The following SLC9A1 variants were observed in gnomAD, a reference collection of about 807,000 sequenced individuals.
SLC9A1 encodes solute carrier family 9 member A1.
In SLC9A1, 22 loss-of-function variants were observed where a neutral mutation model predicts 67.9. That is an observed-to-expected ratio of 0.32 (90% confidence interval 0.23 to 0.46). The LOEUF is 0.46. Ranked by LOEUF, SLC9A1 falls within the 20% of genes least tolerant of loss-of-function variation. The pLI, the probability that SLC9A1 is intolerant of heterozygous loss-of-function variation, is 1.00. For missense variants in SLC9A1, 686 were observed against 1,094.8 expected (o/e 0.63, Z 5.27); for synonymous variants, 421 against 471.8 (o/e 0.89, Z 1.40).
chr1:27,105,546 C>T, intron 5 of SLC9A1: 2 of 615,892 alleles, frequency 3.2e-6, no homozygotes, highest in Non-Finnish European at 5.9e-6. Flanking sequence ...GATCCACCCC[C>T]TCAGCCTCCC....
At chr1:27,133,787 C>A (rs2083401546) in intron 1 of SLC9A1, among the ~76,000 whole-genome samples, 1 of 146,572 alleles carries the variant, frequency 6.8e-6, no homozygotes, top group South Asian at 2.1e-4. Context: ...TTTTTTGGGA[C>A]AGAATCTCAG....
At position 27,101,710 on chromosome 1, in the gene SLC9A1, G is replaced by C. The variant is rs767430477; in HGVS notation, c.2037+15C>G. 16 of 1,578,082 alleles carry C rather than the reference G, an allele frequency of 1.0e-5. No individual in the cohort carries two copies. The South Asian group carries it at 1.8e-4, about 18-fold the overall frequency. On this transcript the variant is annotated intron_variant, in intron 10 of 11. Coordinates refer to ENST00000263980, the MANE Select transcript of SLC9A1 (RefSeq NM_003047.5). This position sits in a 1 kb window ranked among gnomAD's most constrained non-coding sequence, Gnocchi z 4.9. ...TGGGGTGGGATACAGATTCCCAGAG[G>C]AAGGCAGAGGCTACCTTCTGCTCCA... is the stretch of plus-strand genomic sequence containing the variant.
chr1:27,125,237 CTTTTTTTTT>C (rs71010327), intron 1 of SLC9A1, among the ~76,000 whole-genome samples: 17 of 86,870 alleles, frequency 2.0e-4, no homozygotes, highest in East Asian at 1.2e-3. Flanking sequence ...CCTTTTCTTT[CTTTTTTTTT>C]TTTTTTTTTT....
chr1:27,131,947 A>AAAATATATATAT, intron 1 of SLC9A1, among the ~76,000 whole-genome samples: 104 of 52,058 alleles, frequency 2.0e-3, no homozygotes, highest in East Asian at 5.6e-3. Flanking sequence ...AGAAAAAAAA[A>AAAATATATATAT]ATATATATAT....
intron 1 of SLC9A1, among the ~76,000 whole-genome samples, chr1:27,151,642 G>C (rs1376952459): frequency 6.6e-6 from 1 of 152,208 alleles, no homozygotes; most frequent in East Asian, 1.9e-4. Flanking sequence ...GGGATTACAG[G>C]CGTGAGCCAC....
chr1:27,134,098 G>A (rs1047188637), intron 1 of SLC9A1, among the ~76,000 whole-genome samples: 1 of 152,108 alleles, frequency 6.6e-6, no homozygotes, highest in African/African-American at 2.4e-5. Flanking sequence ...CCTTTCCACT[G>A]TAGCAGGAAG....
chr1:27,101,379 G>T lies in SLC9A1; in HGVS notation c.2038-104C>A. 1.2e-6 allele frequency: 1 copy of T among 866,654 alleles called. No homozygotes were observed. The highest frequency in any genetic ancestry group is 1.9e-6 in the Non-Finnish European group (1 of 539,440). 53.7% of individuals were successfully genotyped at this position (866,654 alleles called of 1,614,324 possible). A position where few individuals can be genotyped will look rare whatever the true frequency, so the allele number is the denominator to read the frequency against. On this transcript the variant is annotated intron_variant, in intron 10 of 11. Transcript: ENST00000263980. This position sits in a 1 kb window ranked among gnomAD's most constrained non-coding sequence, Gnocchi z 4.9. ...ACCCCACCTTTCGTATATGCAGGGC[G>T]CTTGCTCCCCCTCCCTTGTGCCTGT...
At chr1:27,102,789 T>C (rs1038971913) in intron 6 of SLC9A1, 46 bp from the exon 7 acceptor site, 2 of 1,557,376 alleles carry the variant, frequency 1.3e-6, no homozygotes, top group African/African-American at 1.4e-5. Context: ...TGGGGCGCCT[T>C]CCCTACCAAG....
At chr1:27,142,572 G>A (rs1175598879) in intron 1 of SLC9A1, among the ~76,000 whole-genome samples, 1 of 152,150 alleles carries the variant, frequency 6.6e-6, no homozygotes, top group Admixed American at 6.5e-5. Context: ...TGCCTCAAAG[G>A]TGGTTGCTTC....
rs1570846533 is a variant in SLC9A1 at position 27,105,579 on chromosome 1, T to C, written c.1485+306A>G. The C allele has an allele frequency of 7.8e-6, 5 of 640,842 alleles. No homozygotes were observed. In the East Asian group the frequency reaches 1.1e-4, roughly 14 times the overall value. The allele number at this position is 640,842 out of a possible 1,614,324, so 39.7% of individuals were successfully genotyped here. On this transcript the variant is annotated intron_variant, in intron 5 of 11. Coordinates refer to ENST00000263980, the MANE Select transcript of SLC9A1 (RefSeq NM_003047.5). ...CCCAAAGTGCTGGGATTACAGGCGT[T>C]GAGTCACCGTGCCCGGCCAGTACCC...
In SLC9A1 at chr1:27,101,214, C is replaced by T. The variant is rs771637718; in HGVS notation, c.2099G>A (p.Arg700His). The T allele has an allele frequency of 6.2e-6, 10 of 1,610,640 alleles. No individual in the cohort carries two copies. Among genetic ancestry groups the T allele is most frequent in the African/African-American group, 5.3e-5 (4 of 74,910 alleles). Reference protein sequence around the residue: ...KLDSPTMSRARIGSDPLAYEP... With the variant: ...KLDSPTMSRAHIGSDPLAYEP... ...CGCCAGGCCCTTACCTGAGCCGATG[C>T]GGGCCCGAGACATGGTGGGTGAGTC... The change falls in exon 11 of 12, where the codon CGC becomes CAC. Residue 700 changes from arginine (R) to histidine (H), a missense_variant. Arg to His is a conservative substitution (Grantham distance 29). This residue lies in a region of SLC9A1 where 226 missense variants were observed against 282.4 expected (regional missense o/e 0.80). Transcript: ENST00000263980. This position sits in a 1 kb window ranked among gnomAD's most constrained non-coding sequence, Gnocchi z 4.9.
Position 27,101,956 on chromosome 1 carries a change from G to A in SLC9A1, c.1935+60C>T, listed in dbSNP as rs937332688. ...GGGGCACGGGCAGGGCAGGGCTGCCGTAGAGAGGGGCTGAAGGGCTCCTGT... is the reference window on the plus strand; with the variant it reads ...GGGGCACGGGCAGGGCAGGGCTGCCATAGAGAGGGGCTGAAGGGCTCCTGT... On this transcript the variant is annotated intron_variant, in intron 9 of 11. Transcript: ENST00000263980. The surrounding 1 kb of genome is among the most constrained non-coding windows in gnomAD (Gnocchi z 4.9). 31 of 1,469,006 alleles carry A rather than the reference G, an allele frequency of 2.1e-5. No individual in the cohort carries two copies. The highest frequency in any genetic ancestry group is 2.0e-4 in the Middle Eastern group (1 of 5,008). 91.0% of individuals were successfully genotyped at this position (1,469,006 alleles called of 1,614,324 possible). A position where few individuals can be genotyped will look rare whatever the true frequency, so the allele number is the denominator to read the frequency against.
chr1:27,151,643 C>T lies in SLC9A1; in HGVS notation c.352+2340G>A, dbSNP rs140170582. Among the ~76,000 whole-genome samples, 102 of 152,324 alleles carry T rather than the reference C, an allele frequency of 6.7e-4. 2 individuals carry two copies. The East Asian group carries it at 0.017, about 26-fold the overall frequency. ...CCTCCCAAAGTGCTGGGATTACAGG[C>T]GTGAGCCACTGCGCCCAGCTTAGTT... On this transcript the variant is annotated intron_variant, in intron 1 of 11. Transcript: ENST00000263980.
rs944601591 is a variant in SLC9A1, at chr1:27,109,840, G to A, written c.814-63C>T. The A allele has an allele frequency of 7.0e-6, 11 of 1,582,648 alleles. No homozygotes were observed. The highest frequency in any genetic ancestry group is 9.5e-6 in the Non-Finnish European group (11 of 1,157,286). Reference sequence around the variant, plus strand: ...GGCCCTGGCCCCACGGTTCCCTGGGGTCCACCCAGGGCAATCCTGTCCCCT... The same window carrying A: ...GGCCCTGGCCCCACGGTTCCCTGGGATCCACCCAGGGCAATCCTGTCCCCT... On this transcript the variant is annotated intron_variant, in intron 2 of 11. Transcript: ENST00000263980. This position sits in a 1 kb window ranked among gnomAD's most constrained non-coding sequence, Gnocchi z 5.5.
At chr1:27,104,751 C>G (rs961345546) in intron 5 of SLC9A1, among the ~76,000 whole-genome samples, 2 of 151,696 alleles carry the variant, frequency 1.3e-5, no homozygotes, top group Non-Finnish European at 1.5e-5. Flanking sequence ...TTTTTTTTCT[C>G]AAGAGAATGC....
intron 1 of SLC9A1, among the ~76,000 whole-genome samples, chr1:27,151,915 C>A (rs2083531217): frequency 6.6e-6 from 1 of 152,168 alleles, no homozygotes; most frequent in African/African-American, 2.4e-5. Flanking sequence ...GAGACCACAT[C>A]CAGCCTCATC....
chr1:27,129,905 C>T lies in SLC9A1; in HGVS notation c.353-15619G>A, dbSNP rs188107527. ...CTCCTCATTCTACAGCTGAGGAAAC[C>T]GGGGCAGAGAGAAATGGTCTGACTC... On this transcript the variant is annotated intron_variant, in intron 1 of 11. Coordinates refer to ENST00000263980, the MANE Select transcript of SLC9A1 (RefSeq NM_003047.5). Among the ~76,000 whole-genome samples the T allele has an allele frequency of 1.8e-3, 267 of 152,234 alleles. 1 individual carries two copies. The highest frequency in any genetic ancestry group is 2.8e-3 in the Non-Finnish European group (193 of 68,008).
chr1:27,127,646 A>C (rs2124179474), intron 1 of SLC9A1, among the ~76,000 whole-genome samples: 1 of 152,284 alleles, frequency 6.6e-6, no homozygotes, highest in East Asian at 1.9e-4. Flanking sequence ...AAATTCTGCC[A>C]CTTCAGGGAG....
chr1:27,125,473 T>G (rs1186367192), intron 1 of SLC9A1, among the ~76,000 whole-genome samples: 1 of 152,122 alleles, frequency 6.6e-6, no homozygotes, highest in Non-Finnish European at 1.5e-5. Context: ...GTCGAACCCC[T>G]GGCCTCAAGT....
Sources: gnomAD v4.1 joint callset for allele counts (sites outside exome capture counted in the v4.1 genomes callset) on GRCh38, gnomAD v4.1.1 for gene constraint, gnomAD v4.1.1 regional missense constraint, Gnocchi (gnomAD v3.1) non-coding constraint, MANE v1.5 for transcripts, NCBI Gene and HGNC (gene_info 2026-07-23, HGNC 2026-07-21) for gene names.